The following CFAP20DC variants were observed in gnomAD, a reference collection of about 807,000 sequenced individuals.
CFAP20DC encodes protein CFAP20DC.
Under a neutral mutation model 101.7 loss-of-function variants are expected in CFAP20DC, and 84 were observed. The ratio of observed to expected loss-of-function variants is 0.83; its 90% CI spans 0.69 to 0.99. CFAP20DC has a LOEUF of 0.99. Among genes scored for constraint, CFAP20DC ranks in the 50% least tolerant of loss-of-function variants. The pLI is 0.00. For missense variants in CFAP20DC, 1,007 were observed against 970.3 expected (o/e 1.04, Z -0.50); for synonymous variants, 359 against 351.2 (o/e 1.02, Z -0.25).
chr3:58,812,918 A>C (rs1288841912), intron 14 of CFAP20DC, among the ~76,000 whole-genome samples: 1 of 151,882 alleles, frequency 6.6e-6, no homozygotes, highest in East Asian at 1.9e-4. Context: ...ACATTGGTTG[A>C]TATTTTCAGA....
intron 4 of CFAP20DC, among the ~76,000 whole-genome samples, chr3:58,988,458 T>C (rs1425730731): frequency 6.6e-6 from 1 of 152,190 alleles, no homozygotes; most frequent in Non-Finnish European, 1.5e-5. Context: ...TTCTGGTAAC[T>C]CAGGGACTTA....
chr3:58,873,242 A>AC (rs2080403111), intron 7 of CFAP20DC, among the ~76,000 whole-genome samples: 1 of 149,956 alleles, frequency 6.7e-6, no homozygotes, highest in African/African-American at 2.5e-5. Flanking sequence ...AGAAGTCTGG[A>AC]TAGCTATTCT....
At chr3:58,983,476 A>G (rs551464437) in intron 4 of CFAP20DC, among the ~76,000 whole-genome samples, 61 of 152,290 alleles carry the variant, frequency 4.0e-4, no homozygotes, top group African/African-American at 1.4e-3. Context: ...TTTAGAACTT[A>G]TGGTTCAGTT....
At position 58,892,232 on chromosome 3, in the gene CFAP20DC, G is replaced by A. The variant is rs1360639457; in HGVS notation, c.551-7523C>T. The stretch of plus-strand genomic sequence containing the variant: ...TCAGTACCATGCTCTTTTGGTTACT[G>A]TAGACTTGTAGTATACATTGAAGTT... On this transcript the variant is annotated intron_variant, in intron 6 of 16. Transcript: ENST00000482387. The surrounding 1 kb of genome is among the most constrained non-coding windows in gnomAD (Gnocchi z 4.0). Among the ~76,000 whole-genome samples the A allele has an allele frequency of 5.3e-5, 8 of 152,192 alleles. No individual in the cohort carries two copies. Among genetic ancestry groups the A allele is most frequent in the Admixed American group, 5.2e-4 (8 of 15,280 alleles).
In CFAP20DC at chr3:58,859,641, T is replaced by C. The variant is rs1315543411; in HGVS notation, c.1593+3917A>G. 6.6e-6 allele frequency among the ~76,000 whole-genome samples: 1 copy of C among 152,192 alleles called. No individual in the cohort carries two copies. The highest frequency in any genetic ancestry group is 2.4e-5 in the African/African-American group (1 of 41,442). On this transcript the variant is annotated intron_variant, in intron 12 of 16. Coordinates refer to ENST00000482387, the MANE Select transcript of CFAP20DC (RefSeq NM_001394063.1). This position sits in a 1 kb window ranked among gnomAD's most constrained non-coding sequence, Gnocchi z 4.1. ...TGTAGATGTGAACAGCCTAAAAAGA[T>C]TACTCATACTGAGTAAACATTAATT...
intron 3 of CFAP20DC, chr3:58,727,092 C>T (rs1288696555): frequency 3.4e-5 from 7 of 206,212 alleles, no homozygotes; most frequent in South Asian, 2.7e-4. Flanking sequence ...CTTGGCTCCA[C>T]CTCCCATAGG....
chr3:58,895,989 G>GATCC (rs2082641112), intron 6 of CFAP20DC, among the ~76,000 whole-genome samples: 1 of 152,170 alleles, frequency 6.6e-6, no homozygotes, highest in South Asian at 2.1e-4. Flanking sequence ...CCTCCTACCA[G>GATCC]ATCCATCCCA....
intron 16 of CFAP20DC, among the ~76,000 whole-genome samples, chr3:58,743,611 T>G (rs2107144978): frequency 6.6e-6 from 1 of 152,078 alleles, no homozygotes; most frequent in Non-Finnish European, 1.5e-5. Flanking sequence ...GTTTGGATGG[T>G]GGGTATGGTG....
intron 3 of CFAP20DC, among the ~76,000 whole-genome samples, chr3:59,042,840 A>T (rs897287928): frequency 5.3e-5 from 8 of 152,182 alleles, no homozygotes; most frequent in African/African-American, 1.7e-4. Context: ...CCAAGAAGTG[A>T]TCAGACTCTC....
At chr3:58,896,027 T>C (rs556108444) in intron 6 of CFAP20DC, among the ~76,000 whole-genome samples, 2 of 152,340 alleles carry the variant, frequency 1.3e-5, no homozygotes, top group South Asian at 2.1e-4. Context: ...AGATGAGATC[T>C]GGGTGGGGAC....
intron 12 of CFAP20DC, among the ~76,000 whole-genome samples, chr3:58,852,305 TGCAACCAATACAGGA>T (rs2078323245): frequency 6.6e-6 from 1 of 152,052 alleles, no homozygotes; most frequent in Non-Finnish European, 1.5e-5. Flanking sequence ...TAAATATATA[TGCAACCAATACAGGA>T]GCACCCAGAT....
intron 6 of CFAP20DC, among the ~76,000 whole-genome samples, chr3:58,885,600 C>T (rs904454513): frequency 1.3e-4 from 19 of 150,788 alleles, no homozygotes; most frequent in African/African-American, 4.6e-4. Context: ...ATACATCTTT[C>T]CCTACCCCTC....
At chr3:58,792,299 G>A (rs1282488548) in intron 15 of CFAP20DC, among the ~76,000 whole-genome samples, 1 of 152,124 alleles carries the variant, frequency 6.6e-6, no homozygotes, top group Non-Finnish European at 1.5e-5. Context: ...GTTTGGGCTA[G>A]ATACAAATGT....
intron 15 of CFAP20DC, among the ~76,000 whole-genome samples, chr3:58,775,664 G>A (rs1029307724): frequency 2.6e-5 from 4 of 151,552 alleles, no homozygotes; most frequent in African/African-American, 9.7e-5. Flanking sequence ...CTTATGAACT[G>A]TTAAAGCCTA....
In CFAP20DC at chr3:58,899,187, GAA is replaced by G. The variant is rs34300735; in HGVS notation, c.551-14480_551-14479del. On this transcript the variant is annotated intron_variant, in intron 6 of 16. Coordinates refer to ENST00000482387, the MANE Select transcript of CFAP20DC (RefSeq NM_001394063.1). The surrounding 1 kb of genome is among the most constrained non-coding windows in gnomAD (Gnocchi z 5.0). Reference sequence around the variant, plus strand: ...AGTAACAGGATCAGGGACCCACTTAGAAAAACAGTCTGGCTGCTTTCTAGTAG... The same window carrying G: ...AGTAACAGGATCAGGGACCCACTTAGAAACAGTCTGGCTGCTTTCTAGTAG... Among the ~76,000 whole-genome samples the G allele has an allele frequency of 2.0e-5, 3 of 152,222 alleles. No individual in the cohort carries two copies. The highest frequency in any genetic ancestry group is 7.2e-5 in the African/African-American group (3 of 41,452).
chr3:58,840,787 G>A (rs978201154), intron 13 of CFAP20DC, among the ~76,000 whole-genome samples: 4 of 152,152 alleles, frequency 2.6e-5, no homozygotes, highest in Admixed American at 6.5e-5. Context: ...TTCTACATGC[G>A]CTATCTAATT....
intron 4 of CFAP20DC, among the ~76,000 whole-genome samples, chr3:58,957,369 G>A (rs2090730123): frequency 6.6e-6 from 1 of 152,230 alleles, no homozygotes; most frequent in South Asian, 2.1e-4. Context: ...TATCAAGGAT[G>A]TGGAGAAATG....
At position 58,768,215 on chromosome 3, in the gene CFAP20DC, G is replaced by A. The variant is rs867556514; in HGVS notation, c.2238-14352C>T. The stretch of plus-strand genomic sequence containing the variant: ...CTTCTCAAACTGGATCTGAAAAAGA[G>A]AGATTCTCACAATGAAGATGGGAGC... On this transcript the variant is annotated intron_variant, in intron 15 of 16. Coordinates refer to ENST00000482387, the MANE Select transcript of CFAP20DC (RefSeq NM_001394063.1). Among the ~76,000 whole-genome samples, 15 of 152,292 alleles carry A rather than the reference G, an allele frequency of 9.8e-5. 1 individual carries two copies. The highest frequency in any genetic ancestry group is 8.3e-4 in the South Asian group (4 of 4,822).
chr3:58,800,544 G>T (rs2073611641), intron 15 of CFAP20DC, among the ~76,000 whole-genome samples: 1 of 152,194 alleles, frequency 6.6e-6, no homozygotes, highest in South Asian at 2.1e-4. Flanking sequence ...TGGATTTTAG[G>T]CATGATGGCA....
Sources: gnomAD v4.1 joint callset for allele counts (sites outside exome capture counted in the v4.1 genomes callset) on GRCh38, gnomAD v4.1.1 for gene constraint, Gnocchi (gnomAD v3.1) non-coding constraint, MANE v1.5 for transcripts, NCBI Gene and HGNC (gene_info 2026-07-23, HGNC 2026-07-21) for gene names.